BRPF3: variants seen among roughly 807,000 people sequenced by gnomAD.
BRPF3 encodes bromodomain and PHD finger containing 3.
BRPF3 carries 18 observed loss-of-function variants against 102.0 expected under a neutral mutation model. The ratio of observed to expected loss-of-function variants is 0.18; its 90% CI spans 0.12 to 0.26. The LOEUF (loss-of-function observed/expected upper bound fraction) is 0.26. BRPF3 is among the 10% of genes least tolerant of loss of function. The pLI is 1.00. For synonymous variants in BRPF3, 570 were observed against 614.2 expected (o/e 0.93, Z 1.06); for missense variants, 1,147 against 1,567.8 (o/e 0.73, Z 4.53).
chr6:36,222,236 T>G lies in BRPF3; in HGVS notation c.3152T>G (p.Val1051Gly), dbSNP rs369949767. 1 of 1,550,110 alleles carries G rather than the reference T, an allele frequency of 6.5e-7. No homozygotes were observed. The highest frequency in any genetic ancestry group is 8.7e-7 in the Non-Finnish European group (1 of 1,147,150). The change falls in exon 10 of 13, where the codon GTG (valine) becomes GGG (glycine). Residue 1051 changes from valine to glycine, a missense_variant. Around this residue, in one of 11 missense-constraint regions of BRPF3, gnomAD observed 379 missense variants for 426.3 expected, o/e 0.89. Transcript: ENST00000357641. Reference sequence around the variant, plus strand: ...TCTCGAGTGCCCTTCCTGGAAGGTGTGAACGGAGACTCTGACTACAATGGC... The same window carrying G: ...TCTCGAGTGCCCTTCCTGGAAGGTGGGAACGGAGACTCTGACTACAATGGC... ...ALSRVPFLEG[V>G]NGDSDYNGSG...
At position 36,201,718 on chromosome 6, in the gene BRPF3, G is replaced by C. The variant is rs754535785; in HGVS notation, c.1396G>C (p.Asp466His). The change falls in exon 2 of 13, where the codon GAC becomes CAC. Residue 466 changes from aspartate to histidine, a missense_variant. Coordinates refer to ENST00000357641, the MANE Select transcript of BRPF3 (RefSeq NM_015695.3). The surrounding 1 kb of genome is among the most constrained non-coding windows in gnomAD (Gnocchi z 5.1). ...IKKEPEEAGQ[D>H]TPSTLPMLAV... ...GAAGGAGCCAGAGGAAGCAGGCCAA[G>C]ACACACCCTCCACTCTCCCCATGCT... 9.9e-6 allele frequency: 16 copies of C among 1,613,718 alleles called. No individual in the cohort carries two copies. The highest frequency in any genetic ancestry group is 3.3e-4 in the Middle Eastern group (2 of 6,062).
At position 36,201,476 on chromosome 6, in the gene BRPF3, C is replaced by T; in HGVS notation, c.1154C>T (p.Ala385Val). Reference protein sequence around the residue: ...FTVRKTAYCEAHSPPGAATAR... With the variant: ...FTVRKTAYCEVHSPPGAATAR... Reference sequence around the variant, plus strand: ...GTGCGCAAGACTGCCTACTGTGAGGCCCACTCGCCACCAGGTGCGGCCACT... The same window carrying T: ...GTGCGCAAGACTGCCTACTGTGAGGTCCACTCGCCACCAGGTGCGGCCACT... The change falls in exon 2 of 13, where the codon GCC (alanine) becomes GTC (valine). Residue 385 changes from alanine (A) to valine (V), a missense_variant. Transcript: ENST00000357641. This position sits in a 1 kb window ranked among gnomAD's most constrained non-coding sequence, Gnocchi z 5.1. 6.2e-7 allele frequency: 1 copy of T among 1,614,162 alleles called. No individual in the cohort carries two copies. Among genetic ancestry groups the T allele is most frequent in the Non-Finnish European group, 8.5e-7 (1 of 1,180,032 alleles).
intron 2 of BRPF3, chr6:36,204,436 C>T (rs770634649): frequency 3.5e-6 from 2 of 572,462 alleles, no homozygotes; most frequent in Non-Finnish European, 6.3e-6. Context: ...ATTAGGACTG[C>T]AAGGCAAGAG....
At chr6:36,229,242 G>A (rs1029083194) in intron 12 of BRPF3, among the ~76,000 whole-genome samples, 186 bp downstream of exon 12, 1 of 152,162 alleles carries the variant, frequency 6.6e-6, no homozygotes, top group African/African-American at 2.4e-5. Flanking sequence ...AGATTCCCTG[G>A]GAAACACTCT....
At chr6:36,199,649 C>CT (rs2127273727) in intron 1 of BRPF3, among the ~76,000 whole-genome samples, 1 of 152,296 alleles carries the variant, frequency 6.6e-6, no homozygotes, top group Admixed American at 6.5e-5. Context: ...TTCTTGTTTT[C>CT]TTTTCTAAAC....
At chr6:36,214,463 A>G (rs936145838) in intron 8 of BRPF3, 77 bp downstream of exon 8, 7 of 1,459,842 alleles carry the variant, frequency 4.8e-6, no homozygotes, top group Middle Eastern at 2.5e-4. Context: ...ACCTTCCCCA[A>G]TTGGCCATCT....
In BRPF3 at chr6:36,201,880, C is replaced by T. The variant is rs1216168612; in HGVS notation, c.1448+110C>T. ...CAGTTGGACACTATATCCTCCTCCC[C>T]GAATTTAAACTCTTCCTTTTGACCC... On this transcript the variant is annotated intron_variant, in intron 2 of 12. Transcript: ENST00000357641. The surrounding 1 kb of genome is among the most constrained non-coding windows in gnomAD (Gnocchi z 5.1). 7.0e-6 allele frequency: 10 copies of T among 1,437,076 alleles called. No homozygotes were observed. The highest frequency in any genetic ancestry group is 3.0e-5 in the South Asian group (2 of 66,206). 89.0% of individuals were successfully genotyped at this position (1,437,076 alleles called of 1,614,324 possible). A position where few individuals can be genotyped will look rare whatever the true frequency, so the allele number is the denominator to read the frequency against.
At chr6:36,227,020 CT>C (rs1001065711) in intron 11 of BRPF3, among the ~76,000 whole-genome samples, 1 of 152,040 alleles carries the variant, frequency 6.6e-6, no homozygotes, top group African/African-American at 2.4e-5. Context: ...TAAAACTCGT[CT>C]TTTTTTTAAT....
At position 36,201,379 on chromosome 6, in the gene BRPF3, G is replaced by A; in HGVS notation, c.1057G>A (p.Ala353Thr). The A allele has an allele frequency of 6.2e-7, 1 of 1,614,174 alleles. No homozygotes were observed. Among genetic ancestry groups the A allele is most frequent in the Non-Finnish European group, 8.5e-7 (1 of 1,180,024 alleles). The part of the protein sequence containing the change: ...NCYTAFHVTC[A>T]QRAGLFMKIE... ...CTACACAGCATTCCATGTGACATGT[G>A]CACAGCGGGCTGGGCTCTTCATGAA... Residue 353 changes from alanine (A) to threonine (T), a missense_variant, in exon 2 of 13, where the codon GCA (alanine) becomes ACA (threonine). By Grantham distance (58) the Ala-to-Thr change is moderately conservative. Coordinates refer to ENST00000357641, the MANE Select transcript of BRPF3 (RefSeq NM_015695.3). This position sits in a 1 kb window ranked among gnomAD's most constrained non-coding sequence, Gnocchi z 5.1.
At chr6:36,199,658 A>G (rs1767625908) in intron 1 of BRPF3, among the ~76,000 whole-genome samples, 1 of 152,052 alleles carries the variant, frequency 6.6e-6, no homozygotes, top group Non-Finnish European at 1.5e-5. Context: ...TCTTTTCTAA[A>G]CCGTTAACTA....
In BRPF3 at chr6:36,216,323, A is replaced by G. The variant is rs564927565; in HGVS notation, c.2990-1594A>G. On this transcript the variant is annotated intron_variant, in intron 8 of 12. Coordinates refer to ENST00000357641, the MANE Select transcript of BRPF3 (RefSeq NM_015695.3). ...ACAGTGCTGAGAACACTGCATTAAA[A>G]GAATGAAAGATCCTGCTGTTGGGAA... Among the ~76,000 whole-genome samples, 113 of 152,362 alleles carry G rather than the reference A, an allele frequency of 7.4e-4. 1 individual carries two copies. Among genetic ancestry groups the G allele is most frequent in the African/African-American group, 2.5e-3 (105 of 41,590 alleles).
rs1480689535 is a variant in BRPF3, at chr6:36,200,209, G to A, written c.-26-88G>A. 7.1e-6 allele frequency: 10 copies of A among 1,417,796 alleles called. No homozygotes were observed. The South Asian group carries it at 1.5e-4, about 21-fold the overall frequency. 87.8% of individuals were successfully genotyped at this position (1,417,796 alleles called of 1,614,324 possible). A position where few individuals can be genotyped will look rare whatever the true frequency, so the allele number is the denominator to read the frequency against. On this transcript the variant is annotated intron_variant, in intron 1 of 12. Transcript: ENST00000357641. The surrounding 1 kb of genome is among the most constrained non-coding windows in gnomAD (Gnocchi z 5.3). Reference sequence around the variant, plus strand: ...GTTGTTCAGACAGAGGGAAAAGCCAGTCCTCTTGGTGGATGCTTGATCATA... The same window carrying A: ...GTTGTTCAGACAGAGGGAAAAGCCAATCCTCTTGGTGGATGCTTGATCATA...
chr6:36,213,618 A>G (rs1768210900), intron 7 of BRPF3, among the ~76,000 whole-genome samples: 2 of 151,516 alleles, frequency 1.3e-5, no homozygotes, highest in Non-Finnish European at 1.5e-5. Context: ...CAGGATAATC[A>G]CTTGAGCCCA....
chr6:36,201,213 T>G lies in BRPF3; in HGVS notation c.891T>G (p.Pro297=). Residue 297 remains proline (P), a synonymous_variant, in exon 2 of 13, where the codon CCT becomes CCG. Transcript: ENST00000357641. The surrounding 1 kb of genome is among the most constrained non-coding windows in gnomAD (Gnocchi z 5.1). The part of the protein sequence containing the change: ...WAHVVCAIWI[P]EVCFANTVFL... ...ATGTGGTGTGTGCCATCTGGATCCCTGAAGTCTGCTTTGCTAACACCGTGT... is the reference window on the plus strand; with the variant it reads ...ATGTGGTGTGTGCCATCTGGATCCCGGAAGTCTGCTTTGCTAACACCGTGT... 1 of 1,614,192 alleles carries G rather than the reference T, an allele frequency of 6.2e-7. No individual in the cohort carries two copies. Among genetic ancestry groups the G allele is most frequent in the East Asian group, 2.2e-5 (1 of 44,870 alleles).
rs77465398 is a variant in BRPF3 at position 36,220,105 on chromosome 6, C to T, written c.3084-2063C>T. On this transcript the variant is annotated intron_variant, in intron 9 of 12. Transcript: ENST00000357641. ...AGATAACTGTAGGTTGGGTTGTCTG[C>T]TTAGGCTGGGGTAACTTGGAGAAAG... Among the ~76,000 whole-genome samples, 978 of 152,292 alleles carry T rather than the reference C, an allele frequency of 6.4e-3. 13 individuals are homozygous for T. Among genetic ancestry groups the T allele is most frequent in the African/African-American group, 0.023 (935 of 41,552 alleles).
rs1767680119 is a variant in BRPF3 at position 36,201,060 on chromosome 6, C to T, written c.738C>T (p.Val246=). The T allele has an allele frequency of 1.2e-6, 2 of 1,613,956 alleles. No homozygotes were observed. The highest frequency in any genetic ancestry group is 1.7e-5 in the Admixed American group (1 of 60,004). The change falls in exon 2 of 13, where the codon GTC becomes GTT. Residue 246 remains valine, a synonymous_variant. Coordinates refer to ENST00000357641, the MANE Select transcript of BRPF3 (RefSeq NM_015695.3). The surrounding 1 kb of genome is among the most constrained non-coding windows in gnomAD (Gnocchi z 5.1). Reference sequence around the variant, plus strand: ...CTGTACACCAGGAGTGCTATGGCGTCCCATACATCCCTGAGGGCCAGTGGC... The same window carrying T: ...CTGTACACCAGGAGTGCTATGGCGTTCCATACATCCCTGAGGGCCAGTGGC... ...NLAVHQECYG[V]PYIPEGQWLC...
At position 36,213,896 on chromosome 6, in the gene BRPF3, T is replaced by G. The variant is rs748960570; in HGVS notation, c.2499T>G (p.Pro833=). ...TTCTAATAGATGACTCCAAACTGCCTCCTCCGCCAACCCTGGAGCCCACTG... is the reference window on the plus strand; with the variant it reads ...TTCTAATAGATGACTCCAAACTGCCGCCTCCGCCAACCCTGGAGCCCACTG... ...DDGDRDDSKL[P]PPPTLEPTGP... is the part of the protein sequence containing the mutation. Residue 833 remains proline, a synonymous_variant, in exon 8 of 13, where the codon CCT becomes CCG. Coordinates refer to ENST00000357641, the MANE Select transcript of BRPF3 (RefSeq NM_015695.3). The G allele has an allele frequency of 6.9e-6, 11 of 1,601,442 alleles. No homozygotes were observed. The South Asian group carries it at 1.2e-4, about 18-fold the overall frequency.
intron 4 of BRPF3, among the ~76,000 whole-genome samples, chr6:36,209,243 C>T (rs780604687): frequency 1.3e-5 from 2 of 152,022 alleles, no homozygotes; most frequent in African/African-American, 2.4e-5. Context: ...TCAGGGTTAT[C>T]GTGATGATTA....
In BRPF3 at chr6:36,201,732, T is replaced by A; in HGVS notation, c.1410T>A (p.Thr470=). The change falls in exon 2 of 13, where the codon ACT becomes ACA. Residue 470 remains threonine, a synonymous_variant. Transcript: ENST00000357641. The surrounding 1 kb of genome is among the most constrained non-coding windows in gnomAD (Gnocchi z 5.1). ...AAGCAGGCCAAGACACACCCTCCAC[T>A]CTCCCCATGCTTGCTGTCCCACAGA... is the stretch of plus-strand genomic sequence containing the variant. ...PEEAGQDTPS[T]LPMLAVPQIP... is the part of the protein sequence containing the mutation. The A allele has an allele frequency of 6.2e-7, 1 of 1,612,114 alleles. No individual in the cohort carries two copies. The highest frequency in any genetic ancestry group is 8.5e-7 in the Non-Finnish European group (1 of 1,179,002).
Sources: allele counts gnomAD v4.1 joint callset (sites outside exome capture counted in the v4.1 genomes callset), GRCh38; gene constraint gnomAD v4.1.1; regional missense constraint gnomAD v4.1.1; non-coding constraint Gnocchi (gnomAD v3.1); transcripts MANE v1.5; gene names NCBI Gene and HGNC (gene_info 2026-07-23, HGNC 2026-07-21).